Variants in SLC35F4 observed in about 807,000 individuals in gnomAD.
SLC35F4 encodes the protein chromosome 14 open reading frame 36.
A neutral mutation model predicts 44.2 loss-of-function variants in SLC35F4; 24 were observed. The observed-to-expected ratio is 0.54, with a 90% CI of 0.39 to 0.76. The LOEUF (loss-of-function observed/expected upper bound fraction) is 0.76. SLC35F4 is among the 30% of genes least tolerant of loss of function. The pLI is 0.00. For missense variants in SLC35F4, 562 were observed against 586.1 expected (o/e 0.96, Z 0.42); for synonymous variants, 238 against 223.6 (o/e 1.06, Z -0.57).
chr14:57,931,584 A>G (rs1889697519), intron 1 of SLC35F4, among the ~76,000 whole-genome samples: 1 of 151,870 alleles, frequency 6.6e-6, no homozygotes, highest in Non-Finnish European at 1.5e-5. Flanking sequence ...TTCTTTCCAC[A>G]TAGCTGGGAG....
At chr14:57,963,315 G>A (rs1890372978) in intron 1 of SLC35F4, among the ~76,000 whole-genome samples, 1 of 152,186 alleles carries the variant, frequency 6.6e-6, no homozygotes, top group Admixed American at 6.5e-5. Flanking sequence ...GCTGTCCTCT[G>A]AAGCTGATTA....
rs189668994 is a variant in SLC35F4 at position 57,673,210 on chromosome 14, G to T, written c.104-79086C>A. Among the ~76,000 whole-genome samples the T allele has an allele frequency of 4.2e-4, 64 of 152,214 alleles. 1 individual carries two copies. The highest frequency in any genetic ancestry group is 1.5e-3 in the African/African-American group (62 of 41,502). On this transcript the variant is annotated intron_variant, in intron 1 of 7. Coordinates refer to ENST00000556826, the MANE Select transcript of SLC35F4 (RefSeq NM_001306087.2). Reference sequence around the variant, plus strand: ...AACAACACAACTAAAAAGCATTCAAGGATTATGGTGGTAACTGAATAAAAT... The same window carrying T: ...AACAACACAACTAAAAAGCATTCAATGATTATGGTGGTAACTGAATAAAAT...
At chr14:57,953,086 T>C (rs1890170219) in intron 1 of SLC35F4, among the ~76,000 whole-genome samples, 1 of 152,192 alleles carries the variant, frequency 6.6e-6, no homozygotes, top group Non-Finnish European at 1.5e-5. Flanking sequence ...TAATAGTGGA[T>C]CTCTCTGCAG....
intron 1 of SLC35F4, among the ~76,000 whole-genome samples, chr14:57,769,915 A>G (rs1784531407): frequency 6.6e-6 from 1 of 152,200 alleles, no homozygotes; most frequent in African/African-American, 2.4e-5. Flanking sequence ...TTTGAAAAAG[A>G]GTGGTCATAT....
intron 1 of SLC35F4, among the ~76,000 whole-genome samples, chr14:57,635,126 G>A (rs1181375741): frequency 1.3e-5 from 2 of 151,626 alleles, no homozygotes; most frequent in Non-Finnish European, 2.9e-5. Context: ...TGCACCTATA[G>A]TCCTAGCTAC....
intron 1 of SLC35F4, among the ~76,000 whole-genome samples, chr14:57,759,668 C>T (rs62003424): frequency 0.034 from 5,214 of 152,254 alleles, 134 homozygotes; most frequent in South Asian, 0.06. Flanking sequence ...TACAAGGTTT[C>T]CAATGTCTCC....
intron 1 of SLC35F4, among the ~76,000 whole-genome samples, chr14:57,782,397 G>T (rs193133524): frequency 6.7e-6 from 1 of 150,314 alleles, no homozygotes; most frequent in Non-Finnish European, 1.5e-5. Context: ...AAAGAAAAAG[G>T]CATGTCATGA....
At chr14:57,716,400 C>T (rs117949205) in intron 1 of SLC35F4, among the ~76,000 whole-genome samples, 1,990 of 152,002 alleles carry the variant, frequency 0.013, 33 homozygotes, top group East Asian at 0.04. Flanking sequence ...CAGACCTTGG[C>T]GATGACCTTG....
chr14:57,635,636 A>C (rs897132418), intron 1 of SLC35F4, among the ~76,000 whole-genome samples: 4 of 152,110 alleles, frequency 2.6e-5, no homozygotes, highest in Non-Finnish European at 4.4e-5. Flanking sequence ...AGATGAAGCC[A>C]GTAAAGGAGA....
At chr14:57,752,904 G>C (rs1318890292) in intron 1 of SLC35F4, among the ~76,000 whole-genome samples, 1 of 152,174 alleles carries the variant, frequency 6.6e-6, no homozygotes, top group Non-Finnish European at 1.5e-5. Flanking sequence ...CAGGAGAGTA[G>C]GTGTGTCACT....
At chr14:57,833,101 A>G (rs1337370770) in intron 1 of SLC35F4, among the ~76,000 whole-genome samples, 1 of 152,232 alleles carries the variant, frequency 6.6e-6, no homozygotes, top group Non-Finnish European at 1.5e-5. Flanking sequence ...TTCTCTATTT[A>G]GAGCTAGTAA....
chr14:57,665,812 G>T (rs2074288002), intron 1 of SLC35F4, among the ~76,000 whole-genome samples: 1 of 152,196 alleles, frequency 6.6e-6, no homozygotes, highest in African/African-American at 2.4e-5. Context: ...ACAAGAATGA[G>T]ATCATGTCTT....
At chr14:57,916,067 T>A (rs1889323479) in intron 1 of SLC35F4, among the ~76,000 whole-genome samples, 1 of 152,206 alleles carries the variant, frequency 6.6e-6, no homozygotes, top group South Asian at 2.1e-4. Flanking sequence ...AAAAGAAATT[T>A]ATTTCTCACA....
chr14:57,588,667 G>T (rs889983149), intron 3 of SLC35F4, among the ~76,000 whole-genome samples: 3 of 152,186 alleles, frequency 2.0e-5, no homozygotes, highest in Admixed American at 6.5e-5. Flanking sequence ...AGGCAGCAAA[G>T]AGTGGCATCT....
At chr14:57,616,276 T>C (rs2071816992) in intron 1 of SLC35F4, among the ~76,000 whole-genome samples, 1 of 152,180 alleles carries the variant, frequency 6.6e-6, no homozygotes. Context: ...TCATAACATA[T>C]ACCATCTTAG....
intron 1 of SLC35F4, among the ~76,000 whole-genome samples, chr14:57,846,972 A>G (rs941130536): frequency 6.6e-6 from 1 of 152,266 alleles, no homozygotes; most frequent in Admixed American, 6.5e-5. Context: ...CACTCTGCAG[A>G]TAGTCCTGGC....
intron 4 of SLC35F4, chr14:57,578,668 A>G (rs1188304880): frequency 6.6e-6 from 1 of 152,158 alleles, no homozygotes; most frequent in Non-Finnish European, 1.5e-5. Flanking sequence ...CACAATGAGA[A>G]GTGAAGCACT....
At chr14:57,974,107 A>T (rs1869501976), downstream of SLC35F4, among the ~76,000 whole-genome samples, 1 of 152,106 alleles carries the variant, frequency 6.6e-6, no homozygotes, top group Non-Finnish European at 1.5e-5. Context: ...TGTGGTTTCA[A>T]TGGAGGTCAC....
intron 1 of SLC35F4, among the ~76,000 whole-genome samples, chr14:57,931,536 G>A (rs556682586): frequency 6.6e-6 from 1 of 152,204 alleles, no homozygotes; most frequent in Non-Finnish European, 1.5e-5. Flanking sequence ...CATTAAAAAT[G>A]AGAAACTATA....
Sources: allele counts gnomAD v4.1 joint callset (sites outside exome capture counted in the v4.1 genomes callset), GRCh38; gene constraint gnomAD v4.1.1; transcripts MANE v1.5; gene names NCBI Gene and HGNC (gene_info 2026-07-23, HGNC 2026-07-21).